The following ASB15 variants were observed in gnomAD, a reference collection of about 807,000 sequenced individuals.
ASB15 encodes the protein ankyrin repeat and SOCS box protein 15.
A neutral mutation model predicts 58.0 loss-of-function variants in ASB15; 54 were observed. The ratio of observed to expected loss-of-function variants is 0.93; its 90% CI spans 0.75 to 1.17. The LOEUF is 1.17. Ranked by LOEUF, ASB15 falls within the 50% of genes most tolerant of loss-of-function variation. The pLI, the probability that ASB15 is intolerant of heterozygous loss-of-function variation, is 0.00. For synonymous variants in ASB15, 249 were observed against 262.4 expected (o/e 0.95, Z 0.50); for missense variants, 680 against 707.4 (o/e 0.96, Z 0.44).
In ASB15 at chr7:123,637,032, C is replaced by T; in HGVS notation, c.*51C>T. 5.5e-6 allele frequency: 7 copies of T among 1,271,306 alleles called. No homozygotes were observed. The highest frequency in any genetic ancestry group is 7.7e-6 in the Non-Finnish European group (7 of 910,362). 78.8% of individuals were successfully genotyped at this position (1,271,306 alleles called of 1,614,324 possible). ...AAAAAATGTTGAAATGTGATTCCCT[C>T]AGATAATTTCTTGTAACCATTTTAC... On this transcript the variant is annotated 3_prime_UTR_variant, in exon 12 of 12. Coordinates refer to ENST00000451215, the MANE Select transcript of ASB15 (RefSeq NM_001290258.2).
Position 123,614,612 on chromosome 7 carries a change from A to T in ASB15, c.107+3A>T. On this transcript the variant is annotated splice_donor_region_variant and intron_variant, in intron 4 of 11. Coordinates refer to ENST00000451215, the MANE Select transcript of ASB15 (RefSeq NM_001290258.2). ...AAGACTGCACTTTGTCCTGAAAGGT[A>T]GTATTCAAACCAACTATCCTCAGCA... 1 of 1,578,444 alleles carries T rather than the reference A, an allele frequency of 6.3e-7. No individual in the cohort carries two copies. The highest frequency in any genetic ancestry group is 8.7e-7 in the Non-Finnish European group (1 of 1,148,812).
chr7:123,588,813 A>T, intron 1 of ASB15, among the ~76,000 whole-genome samples: 3 of 149,400 alleles, frequency 2.0e-5, no homozygotes, highest in South Asian at 2.1e-4. Flanking sequence ...TTCCCTTTTG[A>T]TTTCTTTTTT....
chr7:123,593,343 A>T (rs1316512085), intron 1 of ASB15, among the ~76,000 whole-genome samples: 1 of 152,024 alleles, frequency 6.6e-6, no homozygotes, highest in Non-Finnish European at 1.5e-5. Context: ...TTGCCCGTTA[A>T]TTGATGCAGT....
intron 7 of ASB15, among the ~76,000 whole-genome samples, chr7:123,619,486 G>A (rs948255751): frequency 6.6e-6 from 1 of 152,062 alleles, no homozygotes. Context: ...AGTGAAGAGG[G>A]TCTCCACGGC....
At chr7:123,631,807 G>A (rs1191855818) in intron 11 of ASB15, among the ~76,000 whole-genome samples, 1 of 152,104 alleles carries the variant, frequency 6.6e-6, no homozygotes, top group Non-Finnish European at 1.5e-5. Context: ...GAGAGGGCGC[G>A]GTGGCTCACA....
At chr7:123,635,512 CAG>C (rs1802372610) in intron 11 of ASB15, among the ~76,000 whole-genome samples, 1 of 149,038 alleles carries the variant, frequency 6.7e-6, no homozygotes, top group Non-Finnish European at 1.5e-5. Flanking sequence ...CTTGAAAACA[CAG>C]ACTCTACAAT....
At chr7:123,598,528 C>A (rs1014271353), upstream of ASB15, among the ~76,000 whole-genome samples, 1 of 152,088 alleles carries the variant, frequency 6.6e-6, no homozygotes, top group African/African-American at 2.4e-5. Context: ...AAAAGATCAA[C>A]CAGCTTTTAA....
At chr7:123,636,613 C>T (rs917144971) in intron 11 of ASB15, among the ~76,000 whole-genome samples, 196 bp from the exon 12 acceptor site, 2 of 152,128 alleles carry the variant, frequency 1.3e-5, no homozygotes, top group African/African-American at 4.8e-5. Context: ...ATTTCTGCCC[C>T]CATGGAGCTT....
chr7:123,584,308 C>CAA (rs59126257), intron 1 of ASB15, among the ~76,000 whole-genome samples: 12 of 99,504 alleles, frequency 1.2e-4, no homozygotes, highest in African/African-American at 4.3e-4. Context: ...AAGGCCTTGT[C>CAA]AAAAAAAAAA....
chr7:123,594,905 G>C (rs1799651633), intron 1 of ASB15, among the ~76,000 whole-genome samples: 1 of 152,218 alleles, frequency 6.6e-6, no homozygotes, highest in Non-Finnish European at 1.5e-5. Flanking sequence ...GGAATCAAGA[G>C]AGGCAGTAGG....
chr7:123,573,288 C>CTTTTTTTTTTTTTT (rs35889563), intron 1 of ASB15, among the ~76,000 whole-genome samples: 1 of 117,912 alleles, frequency 8.5e-6, no homozygotes, highest in African/African-American at 3.2e-5. Context: ...TCTGGATTTG[C>CTTTTTTTTTTTTTT]TTTTTTTTTT....
At chr7:123,620,542 ATATATATATATATTTTTT>A (rs1801221989) in intron 7 of ASB15, among the ~76,000 whole-genome samples, 1 of 19,554 alleles carries the variant, frequency 5.1e-5, no homozygotes, top group African/African-American at 2.1e-4. Context: ...ATATATATAT[ATATATATATATATTTTTT>A]TTTTTTTTTT....
intron 3 of ASB15, among the ~76,000 whole-genome samples, chr7:123,611,305 T>C (rs140927170): frequency 6.6e-6 from 1 of 151,808 alleles, no homozygotes; most frequent in African/African-American, 2.4e-5. Context: ...TTTTTTTTTC[T>C]TTTTTTTGAG....
intron 1 of ASB15, among the ~76,000 whole-genome samples, chr7:123,590,840 G>T (rs1799516748): frequency 1.3e-5 from 2 of 152,150 alleles, no homozygotes; most frequent in East Asian, 1.9e-4. Context: ...GTGAACAAAG[G>T]CAGTGGTAGC....
intron 7 of ASB15, among the ~76,000 whole-genome samples, 193 bp from the exon 8 acceptor site, chr7:123,624,376 T>A (rs1801625183): frequency 6.6e-6 from 1 of 152,214 alleles, no homozygotes; most frequent in Non-Finnish European, 1.5e-5. Context: ...AGTGTCATCT[T>A]GTAAACTTAT....
At chr7:123,624,031 G>T (rs1801595449) in intron 7 of ASB15, among the ~76,000 whole-genome samples, 1 of 151,846 alleles carries the variant, frequency 6.6e-6, no homozygotes, top group Admixed American at 6.6e-5. Flanking sequence ...AGAAAGAGAA[G>T]TTCATTCAAT....
Position 123,629,376 on chromosome 7 carries a change from CAG to C in ASB15, c.1386_1387del (p.Glu462AspfsTer17). The C allele has an allele frequency of 6.2e-7, 1 of 1,613,686 alleles. No individual in the cohort carries two copies. Among genetic ancestry groups the C allele is most frequent in the Non-Finnish European group, 8.5e-7 (1 of 1,179,972 alleles). On this transcript the variant is annotated frameshift_variant, in exon 10 of 12. Transcript: ENST00000451215. LOFTEE classifies it high-confidence loss of function. Reference sequence around the variant, plus strand: ...ATCTTTGGAAATTCATTTGTGTGGTCAGAGATACAGGAAGAGGTGCTGCCAGG... The same window carrying C: ...ATCTTTGGAAATTCATTTGTGTGGTCAGATACAGGAAGAGGTGCTGCCAGG...
Position 123,616,217 on chromosome 7 carries a change from A to T in ASB15, c.108-4A>T. The T allele has an allele frequency of 6.3e-7, 1 of 1,584,106 alleles. No homozygotes were observed. The highest frequency in any genetic ancestry group is 1.3e-5 in the African/African-American group (1 of 74,260). Reference sequence around the variant, plus strand: ...TATAAATATTATTTTTCTTTATCTCATAGATTTGTACCCCTAAGTGCTCAA... The same window carrying T: ...TATAAATATTATTTTTCTTTATCTCTTAGATTTGTACCCCTAAGTGCTCAA... On this transcript the variant is annotated splice_polypyrimidine_tract_variant and splice_region_variant and intron_variant, in intron 4 of 11. Transcript: ENST00000451215.
chr7:123,602,637 T>C (rs1053352350), intron 1 of ASB15, among the ~76,000 whole-genome samples: 5 of 152,218 alleles, frequency 3.3e-5, no homozygotes, highest in Non-Finnish European at 7.3e-5. Context: ...AATTTTACAC[T>C]TCAGTTATTT....
Sources: gnomAD v4.1 joint callset for allele counts (sites outside exome capture counted in the v4.1 genomes callset) on GRCh38, gnomAD v4.1.1 for gene constraint, MANE v1.5 for transcripts, NCBI Gene and HGNC (gene_info 2026-07-23, HGNC 2026-07-21) for gene names.